FGF1: variants seen among roughly 807,000 people sequenced by gnomAD.
FGF1 encodes beta-endothelial cell growth factor.
In FGF1, 9 loss-of-function variants were observed where a neutral mutation model predicts 13.4. That is an observed-to-expected ratio of 0.67 (90% CI 0.40 to 1.17). The LOEUF is 1.17. FGF1 is among the 50% of genes most tolerant of loss of function. FGF1 has a pLI of 0.01. For synonymous variants in FGF1, 93 were observed against 79.0 expected (o/e 1.18, Z -0.94); for missense variants, 156 against 192.7 (o/e 0.81, Z 1.13).
intron 1 of FGF1, among the ~76,000 whole-genome samples, chr5:142,618,942 T>G (rs1395080227): frequency 2.9e-5 from 4 of 140,272 alleles, no homozygotes; most frequent in African/African-American, 1.1e-4. Context: ...TTTTTTTTTT[T>G]TTTTTTTTTT....
chr5:142,668,201 G>A (rs1770803480), intron 1 of FGF1, among the ~76,000 whole-genome samples: 1 of 152,258 alleles, frequency 6.6e-6, no homozygotes, highest in Non-Finnish European at 1.5e-5. Context: ...TCAGGCACCT[G>A]GTCCAACAGG....
At chr5:142,641,548 A>G (rs2151951117) in intron 1 of FGF1, among the ~76,000 whole-genome samples, 1 of 152,202 alleles carries the variant, frequency 6.6e-6, no homozygotes, top group African/African-American at 2.4e-5. Flanking sequence ...AAAATGAAAA[A>G]CCAGTATCAC....
intron 1 of FGF1, among the ~76,000 whole-genome samples, chr5:142,652,265 T>C (rs1767396449): frequency 6.6e-6 from 1 of 152,256 alleles, no homozygotes. Context: ...TGGTGCTTCT[T>C]CTTGTTAACG....
rs1448020672 is a variant in FGF1 at position 142,629,907 on chromosome 5, T to C, written c.-34-15746A>G. ...TATATATATATATATTTTTTTTTTT[T>C]CTTTGAGATAGAGTCTCGCTCTGTT... On this transcript the variant is annotated intron_variant, in intron 1 of 3. Transcript: ENST00000337706. 2.1e-5 allele frequency among the ~76,000 whole-genome samples: 3 copies of C among 144,356 alleles called. No homozygotes were observed. The East Asian group carries it at 5.8e-4, about 28-fold the overall frequency. The allele number at this position is 144,356 out of a possible 152,430, so 94.7% of individuals were successfully genotyped here. A position where few individuals can be genotyped will look rare whatever the true frequency, so the allele number is the denominator to read the frequency against.
chr5:142,630,307 C>T (rs1389453386), intron 1 of FGF1, among the ~76,000 whole-genome samples: 1 of 152,082 alleles, frequency 6.6e-6, no homozygotes, highest in African/African-American at 2.4e-5. Context: ...GTCTGCTAAT[C>T]GAGCCCTTGG....
intron 2 of FGF1, chr5:142,601,123 G>T: frequency 1.9e-6 from 1 of 533,638 alleles, no homozygotes; most frequent in South Asian, 1.4e-5. Flanking sequence ...TCTGTCACTT[G>T]TAGGAAAATA....
At chr5:142,681,571 T>C (rs928581804) in intron 1 of FGF1, among the ~76,000 whole-genome samples, 2 of 152,206 alleles carry the variant, frequency 1.3e-5, no homozygotes, top group Admixed American at 1.3e-4. Context: ...CTTAGCAGAA[T>C]TTCCAAATCC....
intron 1 of FGF1, among the ~76,000 whole-genome samples, chr5:142,618,924 GTTTTGTTTTTTTT>G (rs1760827137): frequency 2.6e-5 from 2 of 78,324 alleles, no homozygotes; most frequent in South Asian, 4.2e-4. Context: ...TTTTTTAGTT[GTTTTGTTTTTTTT>G]TTTTTTTTTT....
chr5:142,665,346 CT>C (rs1770102851), intron 1 of FGF1, among the ~76,000 whole-genome samples: 1 of 152,154 alleles, frequency 6.6e-6, no homozygotes, highest in African/African-American at 2.4e-5. Context: ...CCATCTCCCC[CT>C]GTCCCACTCC....
chr5:142,678,759 T>A (rs1773136781), intron 1 of FGF1, among the ~76,000 whole-genome samples: 2 of 152,212 alleles, frequency 1.3e-5, no homozygotes, highest in Non-Finnish European at 2.9e-5. Context: ...GTCCTTCAAA[T>A]GATGCCAAAG....
chr5:142,628,684 T>C (rs142054040), intron 1 of FGF1, among the ~76,000 whole-genome samples: 25 of 152,352 alleles, frequency 1.6e-4, no homozygotes, highest in Non-Finnish European at 3.2e-4. Flanking sequence ...TAACTGACCT[T>C]TCAAAGCCAT....
chr5:142,652,084 A>T (rs558040588), intron 1 of FGF1, among the ~76,000 whole-genome samples: 1 of 152,132 alleles, frequency 6.6e-6, no homozygotes, highest in South Asian at 2.1e-4. Context: ...TTTCCAGACA[A>T]AGAGACTCAG....
intron 1 of FGF1, among the ~76,000 whole-genome samples, chr5:142,671,412 C>T (rs1358167734): frequency 6.6e-6 from 1 of 152,124 alleles, no homozygotes; most frequent in Admixed American, 6.6e-5. Flanking sequence ...TTTCTTTTGC[C>T]TGCTTTGTTT....
chr5:142,609,021 A>G (rs921000), intron 2 of FGF1, among the ~76,000 whole-genome samples: 11,924 of 151,738 alleles, frequency 0.079, 784 homozygotes, highest in East Asian at 0.18. Context: ...AACTGTTTTG[A>G]CTTCGGGTCT....
At position 142,668,539 on chromosome 5, in the gene FGF1, A is replaced by G. The variant is rs1271113554; in HGVS notation, c.-35+17418T>C. Among the ~76,000 whole-genome samples, 3 of 152,214 alleles carry G rather than the reference A, an allele frequency of 2.0e-5. No homozygotes were observed. The East Asian group carries it at 5.8e-4, about 29-fold the overall frequency. On this transcript the variant is annotated intron_variant, in intron 1 of 3. Transcript: ENST00000337706. ...TCACCCAGACACAGTTAGGTAATAA[A>G]GGTGAAGTCATGGTCAAGGGCATGG...
rs193219145 is a variant in FGF1, at chr5:142,678,126, T to A, written c.-35+7831A>T. ...GCCAGGGCTGGATGGGTTGGTGTGATGTCGGATGGGTAAGAGTCAGATGGA... is the reference window on the plus strand; with the variant it reads ...GCCAGGGCTGGATGGGTTGGTGTGAAGTCGGATGGGTAAGAGTCAGATGGA... On this transcript the variant is annotated intron_variant, in intron 1 of 3. Transcript: ENST00000337706. Among the ~76,000 whole-genome samples the A allele has an allele frequency of 3.3e-5, 5 of 152,190 alleles. No homozygotes were observed. In the East Asian group the frequency reaches 9.7e-4, roughly 29 times the overall value.
chr5:142,598,632 T>C (rs76412549), intron 3 of FGF1, among the ~76,000 whole-genome samples: 18 of 152,308 alleles, frequency 1.2e-4, no homozygotes, highest in Non-Finnish European at 2.2e-4. Flanking sequence ...ACATATCCTT[T>C]CCACACACAC....
intron 1 of FGF1, among the ~76,000 whole-genome samples, chr5:142,681,081 C>A (rs1464015828): frequency 6.6e-6 from 1 of 152,218 alleles, no homozygotes; most frequent in Admixed American, 6.5e-5. Flanking sequence ...CATGTTGACA[C>A]AGCCCTGGTG....
chr5:142,599,843 C>T (rs1756103400), intron 3 of FGF1, among the ~76,000 whole-genome samples: 1 of 152,182 alleles, frequency 6.6e-6, no homozygotes, highest in African/African-American at 2.4e-5. Flanking sequence ...CTCTCCATTG[C>T]AGCTCATTCA....
Sources: gnomAD v4.1 joint callset for allele counts (sites outside exome capture counted in the v4.1 genomes callset) on GRCh38, gnomAD v4.1.1 for gene constraint, MANE v1.5 for transcripts, NCBI Gene and HGNC (gene_info 2026-07-23, HGNC 2026-07-21) for gene names.